The following TSHR variants were observed in gnomAD, a reference collection of about 807,000 sequenced individuals.
TSHR encodes the protein thyrotropin receptor.
TSHR carries 51 observed loss-of-function variants against 64.1 expected under a neutral mutation model. The observed-to-expected ratio is 0.80, with a 90% CI of 0.64 to 1.01. TSHR has a LOEUF of 1.01. Ranked by LOEUF, TSHR falls within the 50% of genes least tolerant of loss-of-function variation. The pLI, the probability that TSHR is intolerant of heterozygous loss-of-function variation, is 0.00. For missense variants in TSHR, 877 were observed against 942.8 expected, an observed-to-expected ratio of 0.93 and a Z score of 0.91; for synonymous variants, 361 against 361.9, an observed-to-expected ratio of 1.00 and a Z score of 0.03.
intron 1 of TSHR, chr14:81,051,678 C>T (rs1595004260): frequency 1.3e-5 from 2 of 152,228 alleles, no homozygotes; most frequent in East Asian, 3.9e-4. Context: ...GTTCCCTTTT[C>T]TCTACATCCT....
chr14:81,023,712 CA>C (rs1390931935), intron 1 of TSHR, among the ~76,000 whole-genome samples: 7 of 152,116 alleles, frequency 4.6e-5, no homozygotes, highest in Non-Finnish European at 8.8e-5. Context: ...CTTGTACAAC[CA>C]AAAGATTGGC....
chr14:81,137,426 A>C (rs1266237865), intron 8 of TSHR, among the ~76,000 whole-genome samples: 1 of 152,212 alleles, frequency 6.6e-6, no homozygotes, highest in Non-Finnish European at 1.5e-5. Context: ...GTTCTCTTAG[A>C]ATCTGGCTGA....
intron 1 of TSHR, chr14:81,032,881 C>A: frequency 2.7e-6 from 1 of 368,856 alleles, no homozygotes; most frequent in Non-Finnish European, 5.2e-6. Flanking sequence ...CAGAACTCAC[C>A]TACACTAGAA....
At chr14:81,077,458 T>C (rs1268614180) in intron 3 of TSHR, among the ~76,000 whole-genome samples, 1 of 152,216 alleles carries the variant, frequency 6.6e-6, no homozygotes, top group South Asian at 2.1e-4. Context: ...GCATTTACCA[T>C]ATCCCAAGCA....
intron 1 of TSHR, among the ~76,000 whole-genome samples, chr14:81,021,606 G>C (rs1018742030): frequency 1.3e-5 from 2 of 152,192 alleles, no homozygotes; most frequent in African/African-American, 4.8e-5. Flanking sequence ...TTTGTTGTTA[G>C]ATACTGAGAC....
At chr14:80,970,422 G>A (rs1307638426) in intron 1 of TSHR, among the ~76,000 whole-genome samples, 1 of 152,222 alleles carries the variant, frequency 6.6e-6, no homozygotes, top group Non-Finnish European at 1.5e-5. Context: ...CTCTACTAGG[G>A]CAGAATAGCA....
intron 1 of TSHR, among the ~76,000 whole-genome samples, chr14:80,981,364 G>A (rs1339161803): frequency 6.6e-6 from 1 of 152,164 alleles, no homozygotes; most frequent in African/African-American, 2.4e-5. Context: ...TGATGCAGTG[G>A]CGTCAGGAGC....
rs554738857 is a variant in TSHR, at chr14:81,043,713, C to G, written c.171-18435C>G. Among the ~76,000 whole-genome samples, 9 of 152,266 alleles carry G rather than the reference C, an allele frequency of 5.9e-5. No homozygotes were observed. In the South Asian group the frequency reaches 1.7e-3, roughly 28 times the overall value. ...AACAAGGCTACAGTAATGAAAACAGCATGGTACTGGGACAAGAACAGACAC... is the reference window on the plus strand; with the variant it reads ...AACAAGGCTACAGTAATGAAAACAGGATGGTACTGGGACAAGAACAGACAC... On this transcript the variant is annotated intron_variant, in intron 1 of 9. Coordinates refer to ENST00000298171, the MANE Select transcript of TSHR (RefSeq NM_000369.5).
intron 1 of TSHR, among the ~76,000 whole-genome samples, chr14:81,027,134 C>A: frequency 6.7e-6 from 1 of 149,794 alleles, no homozygotes; most frequent in African/African-American, 2.5e-5. Flanking sequence ...GAAAGTGGAG[C>A]AAAATGAAAT....
In TSHR at chr14:81,103,470, AT is replaced by A; in HGVS notation, c.615-4899del. 1 of 985,434 alleles carries A rather than the reference AT, an allele frequency of 1.0e-6. No individual in the cohort carries two copies. Among genetic ancestry groups the A allele is most frequent in the Non-Finnish European group, 1.2e-6 (1 of 829,940 alleles). The allele number at this position is 985,434 out of a possible 1,614,324, so 61.0% of individuals were successfully genotyped here. ...TAGCAGATCGACCTCATTTACACTC[AT>A]TTTTTAAAATGTAACTGAATAATAC... On this transcript the variant is annotated intron_variant, in intron 7 of 9. Coordinates refer to ENST00000298171, the MANE Select transcript of TSHR (RefSeq NM_000369.5). The surrounding 1 kb of genome is among the most constrained non-coding windows in gnomAD (Gnocchi z 4.1).
intron 8 of TSHR, among the ~76,000 whole-genome samples, chr14:81,121,042 G>A (rs1479097763): frequency 2.6e-5 from 4 of 152,004 alleles, no homozygotes; most frequent in Non-Finnish European, 5.9e-5. Flanking sequence ...AGAAATTCAA[G>A]CCACGAGGTC....
chr14:81,055,116 C>T (rs1442860191), intron 1 of TSHR, among the ~76,000 whole-genome samples: 3 of 152,134 alleles, frequency 2.0e-5, no homozygotes, highest in South Asian at 2.1e-4. Flanking sequence ...ACCTGCATCC[C>T]AGCTGCTCCA....
chr14:80,980,141 G>A (rs938233554), intron 1 of TSHR, among the ~76,000 whole-genome samples: 7 of 152,136 alleles, frequency 4.6e-5, no homozygotes, highest in Non-Finnish European at 8.8e-5. Flanking sequence ...CAGCCACTTC[G>A]AACTATTTTT....
At chr14:81,066,827 A>G (rs1406667534) in intron 2 of TSHR, among the ~76,000 whole-genome samples, 1 of 152,172 alleles carries the variant, frequency 6.6e-6, no homozygotes, top group African/African-American at 2.4e-5. Context: ...AATCTCTGCT[A>G]TGGCTATGGC....
chr14:81,098,179 C>A (rs1889340286), intron 7 of TSHR, among the ~76,000 whole-genome samples: 1 of 152,190 alleles, frequency 6.6e-6, no homozygotes, highest in Non-Finnish European at 1.5e-5. Flanking sequence ...TGGTGGGGGT[C>A]AGCTCAAGGG....
Position 81,080,047 on chromosome 14 carries a change from G to A in TSHR, c.318-7907G>A, listed in dbSNP as rs572747118. ...AGCTCACTGCAACCTCCGCCTCCTG[G>A]GTTCAAGGGATTCTCCTGCCTCAGA... On this transcript the variant is annotated intron_variant, in intron 3 of 9. Coordinates refer to ENST00000298171, the MANE Select transcript of TSHR (RefSeq NM_000369.5). Among the ~76,000 whole-genome samples the A allele has an allele frequency of 2.6e-5, 4 of 152,168 alleles. No homozygotes were observed. The South Asian group carries it at 6.2e-4, about 24-fold the overall frequency.
intron 1 of TSHR, chr14:80,993,926 A>T (rs540095503): frequency 6.6e-6 from 1 of 152,164 alleles, no homozygotes; most frequent in South Asian, 2.1e-4. Context: ...TCACAGGTCC[A>T]CTTATATGAG....
intron 8 of TSHR, among the ~76,000 whole-genome samples, chr14:81,122,360 G>T (rs1890838484): frequency 1.3e-5 from 2 of 151,342 alleles, no homozygotes; most frequent in South Asian, 4.2e-4. Flanking sequence ...GTGTTTTAAA[G>T]AACATTGGAG....
intron 1 of TSHR, among the ~76,000 whole-genome samples, chr14:81,034,439 C>A (rs1884518838): frequency 6.6e-6 from 1 of 152,172 alleles, no homozygotes; most frequent in Admixed American, 6.5e-5. Flanking sequence ...CCAGCCTGGG[C>A]AAAATAGTGA....
Sources: gnomAD v4.1 joint callset for allele counts (sites outside exome capture counted in the v4.1 genomes callset) on GRCh38, gnomAD v4.1.1 for gene constraint, Gnocchi (gnomAD v3.1) non-coding constraint, MANE v1.5 for transcripts, NCBI Gene and HGNC (gene_info 2026-07-23, HGNC 2026-07-21) for gene names.